Variants in PTPRN2 observed in about 807,000 individuals in gnomAD.
The protein encoded by PTPRN2 is protein tyrosine phosphatase receptor type N2, also known as receptor-type tyrosine-protein phosphatase N2.
A neutral mutation model predicts 118.8 loss-of-function variants in PTPRN2; 74 were observed. The observed-to-expected ratio is 0.62, with a 90% CI of 0.52 to 0.76. PTPRN2 has a LOEUF of 0.76. PTPRN2 is among the 30% of genes least tolerant of loss of function. PTPRN2 has a pLI of 0.00. For synonymous variants in PTPRN2, 641 were observed against 608.0 expected (o/e 1.05, Z -0.80); for missense variants, 1,481 against 1,394.4 (o/e 1.06, Z -0.99).
intron 14 of PTPRN2, among the ~76,000 whole-genome samples, chr7:157,634,127 T>C (rs1333497790): frequency 6.6e-6 from 1 of 151,832 alleles, no homozygotes; most frequent in Non-Finnish European, 1.5e-5. Context: ...GACCTGCCCT[T>C]CCTCACACAC....
chr7:158,322,587 A>G (rs796269387), intron 2 of PTPRN2, among the ~76,000 whole-genome samples: 6 of 59,848 alleles, frequency 1.0e-4, no homozygotes, highest in East Asian at 3.7e-4. Context: ...CCAGTGGGCA[A>G]CGGGGAGGGA....
intron 12 of PTPRN2, among the ~76,000 whole-genome samples, chr7:157,852,512 G>C (rs1449746646): frequency 6.6e-6 from 1 of 152,212 alleles, no homozygotes; most frequent in Non-Finnish European, 1.5e-5. Flanking sequence ...ATTCAATGGT[G>C]AAGGAGTGTG....
intron 2 of PTPRN2, among the ~76,000 whole-genome samples, chr7:158,420,607 T>C (rs117507120): frequency 1.7e-3 from 262 of 152,310 alleles, no homozygotes; most frequent in Middle Eastern, 6.8e-3. Context: ...CCAGTGCGCA[T>C]TGCCCCTGAG....
chr7:158,132,152 G>C (rs1251222319), intron 9 of PTPRN2, among the ~76,000 whole-genome samples: 1 of 146,980 alleles, frequency 6.8e-6, no homozygotes, highest in Non-Finnish European at 1.5e-5. Context: ...TACATACACA[G>C]ATACACATCT....
At chr7:158,445,509 G>T (rs553246989) in intron 2 of PTPRN2, among the ~76,000 whole-genome samples, 9 of 152,176 alleles carry the variant, frequency 5.9e-5, no homozygotes, top group African/African-American at 1.9e-4. Context: ...GTGACCCCGC[G>T]GCCTCTCGGG....
chr7:157,672,660 C>T (rs774772715), intron 13 of PTPRN2, among the ~76,000 whole-genome samples: 5 of 152,164 alleles, frequency 3.3e-5, no homozygotes, highest in Admixed American at 1.3e-4. Flanking sequence ...ATCCAGCTTC[C>T]GCTCTCCTCA....
At chr7:158,501,349 C>G (rs1180664227) in intron 1 of PTPRN2, among the ~76,000 whole-genome samples, 1 of 152,188 alleles carries the variant, frequency 6.6e-6, no homozygotes. Flanking sequence ...GCCTCTGTAC[C>G]CCCCGATTTC....
At chr7:157,772,736 G>T (rs1048935497) in intron 12 of PTPRN2, among the ~76,000 whole-genome samples, 29 of 152,222 alleles carry the variant, frequency 1.9e-4, no homozygotes, top group South Asian at 8.3e-4. Context: ...GGACCCCTGT[G>T]GGGGGTGGGA....
At chr7:158,220,848 A>G (rs1828305550) in intron 3 of PTPRN2, among the ~76,000 whole-genome samples, 1 of 148,214 alleles carries the variant, frequency 6.7e-6, no homozygotes, top group African/African-American at 2.5e-5. Flanking sequence ...ACAGAATTAG[A>G]AAAAAAAAAG....
chr7:158,424,423 G>C (rs1815522242), intron 2 of PTPRN2, among the ~76,000 whole-genome samples: 1 of 152,196 alleles, frequency 6.6e-6, no homozygotes, highest in African/African-American at 2.4e-5. Context: ...ACTAGCTCCG[G>C]GGGCCGAGTG....
chr7:158,356,090 C>A (rs1808365130), intron 2 of PTPRN2, among the ~76,000 whole-genome samples: 1 of 152,168 alleles, frequency 6.6e-6, no homozygotes, highest in African/African-American at 2.4e-5. Context: ...AAAATGTCTT[C>A]TTGGCTGTCT....
chr7:157,951,752 C>T (rs1245305692), intron 11 of PTPRN2, among the ~76,000 whole-genome samples: 1 of 152,236 alleles, frequency 6.6e-6, no homozygotes. Flanking sequence ...TCTCAGGATC[C>T]ACCTCCCACC....
intron 1 of PTPRN2, among the ~76,000 whole-genome samples, chr7:158,568,332 G>A (rs1827780671): frequency 6.6e-6 from 1 of 152,104 alleles, no homozygotes; most frequent in Non-Finnish European, 1.5e-5. Context: ...GGGAAACTGA[G>A]ATGCAGAGAA....
intron 13 of PTPRN2, among the ~76,000 whole-genome samples, chr7:157,665,483 C>T (rs1450423487): frequency 3.9e-5 from 6 of 152,192 alleles, no homozygotes; most frequent in African/African-American, 1.2e-4. Flanking sequence ...AGGAGCTGGA[C>T]GGAGGCTCCA....
intron 17 of PTPRN2, among the ~76,000 whole-genome samples, chr7:157,589,932 T>G: frequency 6.6e-6 from 1 of 152,254 alleles, no homozygotes; most frequent in South Asian, 2.1e-4. Flanking sequence ...GACGGCTTTT[T>G]CTGCCTCCTG....
chr7:158,114,539 T>C (rs921743727), intron 9 of PTPRN2, among the ~76,000 whole-genome samples: 4 of 152,214 alleles, frequency 2.6e-5, no homozygotes, highest in African/African-American at 9.6e-5. Flanking sequence ...TAAGAAATAC[T>C]TCCTGAGCAC....
At chr7:158,501,835 T>C (rs960099912) in intron 1 of PTPRN2, among the ~76,000 whole-genome samples, 1 of 152,292 alleles carries the variant, frequency 6.6e-6, no homozygotes, top group East Asian at 1.9e-4. Context: ...CTTAGTGTCA[T>C]AGAGTCAAGT....
Position 157,587,817 on chromosome 7 carries a change from T to C in PTPRN2, c.2496+7421A>G, listed in dbSNP as rs562424424. Among the ~76,000 whole-genome samples, 1 of 152,344 alleles carries C rather than the reference T, an allele frequency of 6.6e-6. No individual in the cohort carries two copies. Among genetic ancestry groups the C allele is most frequent in the East Asian group, 1.9e-4 (1 of 5,176 alleles). ...GTTGTCCTCTTGGCTGAGCCTCCCA[T>C]ACAGGGAGCCAGTTCCCACGGTGGC... is the stretch of plus-strand genomic sequence containing the variant. On this transcript the variant is annotated intron_variant, in intron 17 of 22. Coordinates refer to ENST00000389418, the MANE Select transcript of PTPRN2 (RefSeq NM_002847.5). This position sits in a 1 kb window ranked among gnomAD's most constrained non-coding sequence, Gnocchi z 5.3.
intron 5 of PTPRN2, among the ~76,000 whole-genome samples, chr7:158,174,326 CCCA>C (rs1276151033): frequency 1.3e-5 from 2 of 152,050 alleles, no homozygotes; most frequent in East Asian, 1.9e-4. Context: ...CAGCAGCATC[CCCA>C]CCACCATCAT....
Sources: allele counts gnomAD v4.1 joint callset (sites outside exome capture counted in the v4.1 genomes callset), GRCh38; gene constraint gnomAD v4.1.1; non-coding constraint Gnocchi (gnomAD v3.1); transcripts MANE v1.5; gene names NCBI Gene and HGNC (gene_info 2026-07-23, HGNC 2026-07-21).